CUX1: variants seen among roughly 807,000 people sequenced by gnomAD.
CUX1 encodes protein CASP.
A neutral mutation model predicts 158.8 loss-of-function variants in CUX1; 31 were observed. The ratio of observed to expected loss-of-function variants is 0.20; its 90% CI spans 0.15 to 0.26. CUX1 has a LOEUF of 0.26. Among genes scored for constraint, CUX1 ranks in the 10% least tolerant of loss-of-function variants. CUX1 has a pLI of 1.00. For missense variants in CUX1, 1,589 were observed against 2,014.6 expected, an observed-to-expected ratio of 0.79 and a Z score of 4.04; for synonymous variants, 879 against 862.1, an observed-to-expected ratio of 1.02 and a Z score of -0.34.
At chr7:101,833,018 T>A (rs1794228508) in intron 1 of CUX1, among the ~76,000 whole-genome samples, 1 of 152,122 alleles carries the variant, frequency 6.6e-6, no homozygotes, top group African/African-American at 2.4e-5. Flanking sequence ...TCGGGGCTGG[T>A]TCCCTGAGAG....
chr7:102,104,246 G>A (rs1032086032), intron 5 of CUX1, 90 bp from the exon 6 acceptor site: 29 of 1,304,102 alleles, frequency 2.2e-5, no homozygotes, highest in Middle Eastern at 2.0e-4. Context: ...AAAACACACC[G>A]ATCCTACCAG....
rs1167424159 is a variant in CUX1, at chr7:102,168,643, C to CAAAAA, written c.724-1785_724-1781dup. Among the ~76,000 whole-genome samples, 464 of 75,604 alleles carry CAAAAA rather than the reference C, an allele frequency of 6.1e-3. 5 individuals are homozygous for CAAAAA. The highest frequency in any genetic ancestry group is 0.023 in the African/African-American group (453 of 20,032). 49.6% of individuals were successfully genotyped at this position (75,604 alleles called of 152,430 possible). A position where few individuals can be genotyped will look rare whatever the true frequency, so the allele number is the denominator to read the frequency against. ...TAGGCGACAGAGCGAGGCTCTGTCT[C>CAAAAA]AAAAAAAAAAAAAAAAAAAAAATCC... On this transcript the variant is annotated intron_variant, in intron 9 of 23. Transcript: ENST00000292535.
chr7:102,186,125 G>A (rs1468280892), intron 11 of CUX1, among the ~76,000 whole-genome samples: 4 of 152,130 alleles, frequency 2.6e-5, no homozygotes, highest in East Asian at 1.9e-4. Context: ...GTTTCTGATC[G>A]AAGAACCGCA....
chr7:102,067,927 A>G lies in CUX1; in HGVS notation c.190-2412A>G, dbSNP rs577269269. ...TCTCAGCTACTTGGGAAGCTGAGGC[A>G]GGAGAATTGTTTGAACCCGGGAGGT... On this transcript the variant is annotated intron_variant, in intron 3 of 23. Coordinates refer to ENST00000292535, the MANE Select transcript of CUX1 (RefSeq NM_181552.4). Among the ~76,000 whole-genome samples the G allele has an allele frequency of 3.3e-5, 5 of 151,814 alleles. No homozygotes were observed. In the East Asian group the frequency reaches 1.0e-3, roughly 30 times the overall value.
chr7:101,818,794 T>C (rs968668797), intron 1 of CUX1: 1 of 152,226 alleles, frequency 6.6e-6, no homozygotes, highest in Non-Finnish European at 1.5e-5. Flanking sequence ...TTGGAGTTGG[T>C]GTCTGGTTAA....
At chr7:101,851,805 A>G (rs1584761623) in intron 1 of CUX1, among the ~76,000 whole-genome samples, 1 of 144,546 alleles carries the variant, frequency 6.9e-6, no homozygotes, top group African/African-American at 2.6e-5. Context: ...AATTTTTCTT[A>G]CTTTTCATTT....
intron 9 of CUX1, among the ~76,000 whole-genome samples, chr7:102,166,574 C>T (rs1554508840): frequency 6.6e-6 from 1 of 152,168 alleles, no homozygotes; most frequent in Non-Finnish European, 1.5e-5. Flanking sequence ...TCACCACACG[C>T]CGACCCGGGA....
intron 8 of CUX1, among the ~76,000 whole-genome samples, chr7:102,152,174 C>G (rs782476609): frequency 3.9e-5 from 6 of 152,078 alleles, no homozygotes; most frequent in African/African-American, 1.4e-4. Context: ...AGACCCCTGT[C>G]TCTAAAAAAC....
chr7:102,120,584 C>A (rs146289416), intron 8 of CUX1, among the ~76,000 whole-genome samples: 1 of 152,224 alleles, frequency 6.6e-6, no homozygotes, highest in South Asian at 2.1e-4. Context: ...CGAGGAACTT[C>A]ACTTAGGTTA....
chr7:101,953,543 A>G (rs1193992423), intron 2 of CUX1, among the ~76,000 whole-genome samples: 1 of 152,230 alleles, frequency 6.6e-6, no homozygotes, highest in Non-Finnish European at 1.5e-5. Context: ...CTCTTTTAGT[A>G]AGAAATGCGA....
At chr7:101,850,839 C>G (rs544224717) in intron 1 of CUX1, among the ~76,000 whole-genome samples, 18 of 152,334 alleles carry the variant, frequency 1.2e-4, no homozygotes, top group African/African-American at 4.3e-4. Flanking sequence ...CACATTTCAC[C>G]TGTAATTCCA....
rs1349308442 is a variant in CUX1 at position 102,081,826 on chromosome 7, G to A, written c.268+11409G>A. Among the ~76,000 whole-genome samples, 6 of 146,228 alleles carry A rather than the reference G, an allele frequency of 4.1e-5. 1 individual carries two copies. The highest frequency in any genetic ancestry group is 2.2e-4 in the South Asian group (1 of 4,532). ...TTTCTAGTAGAGACAGAGTTTCACC[G>A]TGTTGGCCAAGCTGATCTCGATCTC... On this transcript the variant is annotated intron_variant, in intron 4 of 23. Transcript: ENST00000292535.
chr7:102,040,265 C>G (rs1268712364), intron 3 of CUX1, among the ~76,000 whole-genome samples: 1 of 152,116 alleles, frequency 6.6e-6, no homozygotes, highest in African/African-American at 2.4e-5. Flanking sequence ...TCCAGGGAGG[C>G]CTCTCCAGGG....
intron 2 of CUX1, among the ~76,000 whole-genome samples, chr7:102,007,606 A>C (rs1044523472): frequency 4.0e-5 from 6 of 151,134 alleles, no homozygotes; most frequent in African/African-American, 1.5e-4. Flanking sequence ...CCTGGGCCCT[A>C]AACTTCTACA....
chr7:101,933,928 T>G (rs1432196825), intron 2 of CUX1, among the ~76,000 whole-genome samples: 1 of 152,240 alleles, frequency 6.6e-6, no homozygotes. Flanking sequence ...CATCAAAGTT[T>G]AAAAAGCGAT....
At chr7:102,033,335 G>A (rs1821019888) in intron 3 of CUX1, among the ~76,000 whole-genome samples, 1 of 151,604 alleles carries the variant, frequency 6.6e-6, no homozygotes, top group African/African-American at 2.4e-5. Context: ...AGTTCAAATA[G>A]AATGAAAGAA....
intron 1 of CUX1, among the ~76,000 whole-genome samples, chr7:101,833,932 C>T (rs368302957): frequency 8.5e-5 from 13 of 152,096 alleles, no homozygotes; most frequent in Admixed American, 1.3e-4. Context: ...TAGAATGGGA[C>T]GCACAGTGTT....
chr7:101,893,427 G>A (rs1005446301), intron 1 of CUX1, among the ~76,000 whole-genome samples: 9 of 152,068 alleles, frequency 5.9e-5, no homozygotes, highest in Admixed American at 2.0e-4. Context: ...CCTTGTAGAC[G>A]GAAAGTTCTG....
chr7:102,097,923 G>A (rs183381534), intron 5 of CUX1, among the ~76,000 whole-genome samples: 1 of 152,356 alleles, frequency 6.6e-6, no homozygotes, highest in Non-Finnish European at 1.5e-5. Flanking sequence ...ACATCTTAAA[G>A]GCTGCATGCT....
Sources: allele counts gnomAD v4.1 joint callset (sites outside exome capture counted in the v4.1 genomes callset), GRCh38; gene constraint gnomAD v4.1.1; transcripts MANE v1.5; gene names NCBI Gene and HGNC (gene_info 2026-07-23, HGNC 2026-07-21).